The following RABGAP1L variants were observed in gnomAD, a reference collection of about 807,000 sequenced individuals.
RABGAP1L encodes RAB GTPase activating protein 1 like.
In RABGAP1L, 63 loss-of-function variants were observed where a neutral mutation model predicts 137.7. The observed-to-expected ratio is 0.46, with a 90% CI of 0.37 to 0.56. The LOEUF is 0.56. Among genes scored for constraint, RABGAP1L ranks in the 20% least tolerant of loss-of-function variants. The probability of loss-of-function intolerance (pLI) is 0.00; values close to 1 mark genes in which losing one functional copy is unlikely to be tolerated. For synonymous variants in RABGAP1L, 431 were observed against 433.7 expected (o/e 0.99, Z 0.08); for missense variants, 1,095 against 1,244.0 (o/e 0.88, Z 1.80).
intron 5 of RABGAP1L, among the ~76,000 whole-genome samples, chr1:174,242,822 C>T (rs779569994): frequency 6.6e-6 from 1 of 152,090 alleles, no homozygotes; most frequent in Non-Finnish European, 1.5e-5. Context: ...ATACTGACTT[C>T]TTGTTCAAAA....
intron 7 of RABGAP1L, among the ~76,000 whole-genome samples, chr1:174,259,959 T>C (rs1265628006): frequency 6.6e-6 from 1 of 151,908 alleles, no homozygotes; most frequent in Non-Finnish European, 1.5e-5. Context: ...CTCAGCCTCC[T>C]GAGTAGCTGG....
chr1:174,663,647 T>C (rs1311536763), intron 14 of RABGAP1L, among the ~76,000 whole-genome samples: 1 of 152,224 alleles, frequency 6.6e-6, no homozygotes, highest in Non-Finnish European at 1.5e-5. Context: ...GATTCTGTAT[T>C]TGCAAATTCA....
At chr1:174,665,672 C>A (rs1186045930) in intron 14 of RABGAP1L, among the ~76,000 whole-genome samples, 1 of 152,082 alleles carries the variant, frequency 6.6e-6, no homozygotes, top group Non-Finnish European at 1.5e-5. Context: ...CCATGTTTGG[C>A]CAGGCTGGTC....
At chr1:174,866,757 T>TA (rs1651322584) in intron 19 of RABGAP1L, among the ~76,000 whole-genome samples, 1 of 150,126 alleles carries the variant, frequency 6.7e-6, no homozygotes, top group African/African-American at 2.5e-5. Context: ...ACTAAAAATA[T>TA]AAAAAATGAG....
chr1:174,573,006 CTTTGCCAA>C lies in RABGAP1L; in HGVS notation c.1711-64368_1711-64361del, dbSNP rs1557860643. Among the ~76,000 whole-genome samples the C allele has an allele frequency of 6.8e-3, 1,029 of 152,206 alleles. 13 individuals carry two copies. Among genetic ancestry groups the C allele is most frequent in the African/African-American group, 0.023 (968 of 41,530 alleles). ...GCACTCAGATCCAGGGATTAATCGACTTTGCCAAAGTCATTTATCTAGTTAACTGTAGA... is the reference window on the plus strand; with the variant it reads ...GCACTCAGATCCAGGGATTAATCGACAGTCATTTATCTAGTTAACTGTAGA... On this transcript the variant is annotated intron_variant, in intron 13 of 25. Transcript: ENST00000681986.
chr1:174,404,713 C>T (rs1290372331), intron 13 of RABGAP1L, among the ~76,000 whole-genome samples: 1 of 151,958 alleles, frequency 6.6e-6, no homozygotes, highest in Non-Finnish European at 1.5e-5. Context: ...GAAAAAATAT[C>T]GATTGACTAA....
intron 19 of RABGAP1L, among the ~76,000 whole-genome samples, chr1:174,949,719 C>G (rs1257563946): frequency 6.6e-6 from 1 of 152,196 alleles, no homozygotes; most frequent in Non-Finnish European, 1.5e-5. Context: ...AGAAATTCCT[C>G]TACCTCCAGA....
At chr1:174,449,500 C>A (rs1397193320) in intron 13 of RABGAP1L, among the ~76,000 whole-genome samples, 1 of 152,182 alleles carries the variant, frequency 6.6e-6, no homozygotes, top group Non-Finnish European at 1.5e-5. Flanking sequence ...GAGCAAGCCC[C>A]TTGGCTCAGC....
At chr1:174,667,937 C>G (rs1054641042) in intron 14 of RABGAP1L, among the ~76,000 whole-genome samples, 3 of 152,122 alleles carry the variant, frequency 2.0e-5, no homozygotes, top group African/African-American at 7.2e-5. Context: ...AGTAAATACT[C>G]AATTGCTGAG....
intron 13 of RABGAP1L, among the ~76,000 whole-genome samples, chr1:174,534,775 CAAAAAAAAAAAA>C (rs71117567): frequency 1.7e-4 from 12 of 71,622 alleles, no homozygotes; most frequent in Admixed American, 5.3e-4. Flanking sequence ...ACTCTGTCTC[CAAAAAAAAAAAA>C]AAAAAAAAAA....
At chr1:174,819,965 AG>A (rs2148882963) in intron 19 of RABGAP1L, among the ~76,000 whole-genome samples, 1 of 152,270 alleles carries the variant, frequency 6.6e-6, no homozygotes, top group Non-Finnish European at 1.5e-5. Flanking sequence ...GAAGAAATTG[AG>A]GATATTTCAT....
chr1:174,292,997 G>A (rs937599941), intron 10 of RABGAP1L, among the ~76,000 whole-genome samples: 5 of 152,170 alleles, frequency 3.3e-5, no homozygotes, highest in Admixed American at 1.3e-4. Context: ...TTAGGCACAG[G>A]TAGGTTATTA....
chr1:174,177,370 C>G (rs951378955), intron 1 of RABGAP1L, among the ~76,000 whole-genome samples: 1 of 151,996 alleles, frequency 6.6e-6, no homozygotes, highest in Non-Finnish European at 1.5e-5. Flanking sequence ...CTTGTAGATT[C>G]TGGATATTAG....
intron 7 of RABGAP1L, among the ~76,000 whole-genome samples, chr1:174,256,715 T>C (rs1009125377): frequency 2.0e-5 from 3 of 152,032 alleles, no homozygotes; most frequent in Non-Finnish European, 4.4e-5. Flanking sequence ...CGGGAAGTGG[T>C]GGTCGCAGTG....
chr1:174,549,189 T>C (rs1666244680), intron 13 of RABGAP1L, among the ~76,000 whole-genome samples: 2 of 152,196 alleles, frequency 1.3e-5, no homozygotes, highest in African/African-American at 2.4e-5. Context: ...CTGACTCTTA[T>C]TGGTATCCTG....
At chr1:174,577,862 T>C (rs1324246817) in intron 13 of RABGAP1L, among the ~76,000 whole-genome samples, 2 of 152,216 alleles carry the variant, frequency 1.3e-5, no homozygotes, top group Non-Finnish European at 2.9e-5. Flanking sequence ...TCCTCAGAGC[T>C]GGAGTTACAA....
At chr1:174,327,982 C>CATATATATATATATATATAT (rs1558136090) in intron 11 of RABGAP1L, among the ~76,000 whole-genome samples, 1 of 24,750 alleles carries the variant, frequency 4.0e-5, no homozygotes, top group African/African-American at 1.5e-4. Flanking sequence ...TATATATACA[C>CATATATATATATATATATAT]ACACATATAT....
intron 11 of RABGAP1L, among the ~76,000 whole-genome samples, chr1:174,349,603 C>T (rs1277797734): frequency 2.1e-5 from 3 of 144,288 alleles, no homozygotes; most frequent in African/African-American, 7.6e-5. Context: ...CCCCACCTCC[C>T]TCCCGGATGG....
intron 12 of RABGAP1L, among the ~76,000 whole-genome samples, chr1:174,374,782 G>A (rs1460094554): frequency 1.3e-5 from 2 of 152,108 alleles, no homozygotes; most frequent in Non-Finnish European, 1.5e-5. Flanking sequence ...TTATAAACCT[G>A]CTCATGTATG....
Sources: allele counts gnomAD v4.1 joint callset (sites outside exome capture counted in the v4.1 genomes callset), GRCh38; gene constraint gnomAD v4.1.1; transcripts MANE v1.5; gene names NCBI Gene and HGNC (gene_info 2026-07-23, HGNC 2026-07-21).